Variants in TTC5 observed in about 807,000 individuals in gnomAD.
TTC5 encodes tetratricopeptide repeat protein 5.
A neutral mutation model predicts 57.4 loss-of-function variants in TTC5; 46 were observed. The observed-to-expected ratio is 0.80, with a 90% CI of 0.63 to 1.03. The LOEUF (loss-of-function observed/expected upper bound fraction) is 1.03. Ranked by LOEUF, TTC5 falls within the 50% of genes least tolerant of loss-of-function variation. The probability of loss-of-function intolerance (pLI) is 0.00; values close to 1 mark genes in which losing one functional copy is unlikely to be tolerated. For synonymous variants in TTC5, 190 were observed against 203.5 expected (o/e 0.93, Z 0.57); for missense variants, 504 against 528.1 (o/e 0.95, Z 0.45).
intron 2 of TTC5, among the ~76,000 whole-genome samples, chr14:20,301,291 G>A (rs1882185239): frequency 6.6e-6 from 1 of 152,196 alleles, no homozygotes; most frequent in Non-Finnish European, 1.5e-5. Flanking sequence ...CACAGAATCA[G>A]AAGTACATGT....
intron 6 of TTC5, 92 bp downstream of exon 6, chr14:20,296,297 CT>C: frequency 9.7e-7 from 1 of 1,035,086 alleles, no homozygotes; most frequent in Non-Finnish European, 1.5e-6. Context: ...TGTACCCAAT[CT>C]TGTCCCTATG....
intron 5 of TTC5, among the ~76,000 whole-genome samples, chr14:20,297,037 G>C: frequency 6.6e-6 from 1 of 152,064 alleles, no homozygotes; most frequent in East Asian, 1.9e-4. Context: ...GAATGAAATA[G>C]GTGAAATCAT....
chr14:20,291,361 A>T (rs779251126), intron 9 of TTC5, among the ~76,000 whole-genome samples: 5 of 152,184 alleles, frequency 3.3e-5, no homozygotes, highest in Non-Finnish European at 5.9e-5. Context: ...CCCAGCCTAG[A>T]AACCATTATT....
rs1881860176 is a variant in TTC5 at position 20,287,362 on chromosome 14, T to G, written c.*2265A>C. ...TTGCTGTAAAAGAAACTTTTGCACTTACATATCAGGACATATACAAGAATA... is the reference window on the plus strand; with the variant it reads ...TTGCTGTAAAAGAAACTTTTGCACTGACATATCAGGACATATACAAGAATA... On this transcript the variant is annotated 3_prime_UTR_variant, in exon 10 of 10. Coordinates refer to ENST00000258821, the MANE Select transcript of TTC5 (RefSeq NM_138376.3). 6.6e-6 allele frequency: 1 copy of G among 152,254 alleles called. No homozygotes were observed. The highest frequency in any genetic ancestry group is 1.5e-5 in the Non-Finnish European group (1 of 68,044). 9.4% of individuals were successfully genotyped at this position (152,254 alleles called of 1,614,324 possible).
intron 3 of TTC5, among the ~76,000 whole-genome samples, chr14:20,300,088 C>T (rs569238884): frequency 3.4e-5 from 5 of 147,740 alleles, no homozygotes; most frequent in African/African-American, 1.2e-4. Flanking sequence ...GATCTCCCCA[C>T]TTTGGCCTCC....
intron 1 of TTC5, 74 bp from the exon 2 acceptor site, chr14:20,302,039 C>G (rs117482621): frequency 1.3e-6 from 2 of 1,534,502 alleles, no homozygotes; most frequent in Non-Finnish European, 9.0e-7. Context: ...GCTAGCCATA[C>G]CAGCTCTTGG....
intron 2 of TTC5, among the ~76,000 whole-genome samples, chr14:20,301,096 C>CT (rs1365639708): frequency 6.6e-6 from 1 of 152,098 alleles, no homozygotes; most frequent in Non-Finnish European, 1.5e-5. Context: ...GGTTTACAAT[C>CT]TAGTGGAGAA....
chr14:20,286,844 G>C lies in TTC5; in HGVS notation c.*2783C>G, dbSNP rs765292187. ...CCAATACAGCAGTGTGCAAAGACTC[G>C]AATAGGCATTTTACCGAGAGAAAAT... is the stretch of plus-strand genomic sequence containing the variant. On this transcript the variant is annotated 3_prime_UTR_variant, in exon 10 of 10. Transcript: ENST00000258821. 2.0e-5 allele frequency: 3 copies of C among 151,770 alleles called. No individual in the cohort carries two copies. Among genetic ancestry groups the C allele is most frequent in the Non-Finnish European group, 4.4e-5 (3 of 67,960 alleles). 9.4% of individuals were successfully genotyped at this position (151,770 alleles called of 1,614,324 possible). A position where few individuals can be genotyped will look rare whatever the true frequency, so the allele number is the denominator to read the frequency against.
chr14:20,295,628 A>C, intron 7 of TTC5, 80 bp downstream of exon 7: 2 of 1,548,950 alleles, frequency 1.3e-6, no homozygotes, highest in Non-Finnish European at 1.7e-6. Context: ...CTACCTCGTA[A>C]ACCTATTTAT....
Position 20,298,825 on chromosome 14 carries a change from T to G in TTC5, c.611A>C (p.Gln204Pro). The G allele has an allele frequency of 6.2e-7, 1 of 1,614,024 alleles. No homozygotes were observed. The highest frequency in any genetic ancestry group is 8.5e-7 in the Non-Finnish European group (1 of 1,179,870). Residue 204 changes from glutamine to proline, a missense_variant, in exon 5 of 10, where the codon CAG becomes CCG. Gln to Pro is a moderately conservative substitution (Grantham distance 76). Coordinates refer to ENST00000258821, the MANE Select transcript of TTC5 (RefSeq NM_138376.3). ...TTGGGCATAGGCACTGAGGGCTTGCTGGGAGATCTTAGGGTTCTGGCCAGT... is the reference window on the plus strand; with the variant it reads ...TTGGGCATAGGCACTGAGGGCTTGCGGGGAGATCTTAGGGTTCTGGCCAGT... ...FSTGQNPKIS[Q>P]QALSAYAQAE...
chr14:20,286,808 CAATT>C lies in TTC5; in HGVS notation c.*2815_*2818del, dbSNP rs1191865073. ...CGATTAGTACAGGGAATATATAAAT[CAATT>C]TGACATCCAATACAGCAGTGTGCAA... is the stretch of plus-strand genomic sequence containing the variant. On this transcript the variant is annotated 3_prime_UTR_variant, in exon 10 of 10. Transcript: ENST00000258821. The C allele has an allele frequency of 8.0e-5, 12 of 150,618 alleles. No homozygotes were observed. The East Asian group carries it at 1.8e-3, about 22-fold the overall frequency. 9.3% of individuals were successfully genotyped at this position (150,618 alleles called of 1,614,324 possible).
At chr14:20,297,089 A>C (rs966228274) in intron 5 of TTC5, among the ~76,000 whole-genome samples, 4 of 152,222 alleles carry the variant, frequency 2.6e-5, no homozygotes, top group African/African-American at 9.6e-5. Flanking sequence ...CTGGTAATAA[A>C]TGAAGAAAGG....
In TTC5 at chr14:20,289,737, A is replaced by G; in HGVS notation, c.1213T>C (p.Phe405Leu). ...RIQHKGKDYS[F>L]SSVRVETPLL... The stretch of plus-strand genomic sequence containing the variant: ...GGCGTCTCCACTCGAACACTGGAAA[A>G]GGAATAGTCCTAGAAAAGACAGACA... Residue 405 changes from phenylalanine to leucine, a missense_variant, in exon 10 of 10, where the codon TTT becomes CTT. Coordinates refer to ENST00000258821, the MANE Select transcript of TTC5 (RefSeq NM_138376.3). 6.2e-7 allele frequency: 1 copy of G among 1,613,140 alleles called. No homozygotes were observed. The highest frequency in any genetic ancestry group is 8.5e-7 in the Non-Finnish European group (1 of 1,179,496).
Position 20,289,421 on chromosome 14 carries a change from GA to G in TTC5, c.*205del. The G allele has an allele frequency of 2.2e-6, 1 of 448,216 alleles. No homozygotes were observed. The highest frequency in any genetic ancestry group is 3.9e-6 in the Non-Finnish European group (1 of 257,704). The allele number at this position is 448,216 out of a possible 1,614,324, so 27.8% of individuals were successfully genotyped here. On this transcript the variant is annotated 3_prime_UTR_variant, in exon 10 of 10. Transcript: ENST00000258821. The stretch of plus-strand genomic sequence containing the variant: ...TGGAAGAGACAGGAGAGATATGCCA[GA>G]AGAGTATGTGGCCCTGTAGAGAGCT...
intron 9 of TTC5, among the ~76,000 whole-genome samples, chr14:20,291,460 C>G (rs1172946451): frequency 1.3e-5 from 2 of 152,196 alleles, no homozygotes. Context: ...TATCTACATT[C>G]ATAAGGTTTT....
rs1881964589 is a variant in TTC5, at chr14:20,292,039, A to G, written c.1147T>C (p.Ser383Pro). ...VQSWGVLIGDSVAIPEPNLRL... is the reference protein window; with the variant it reads ...VQSWGVLIGDPVAIPEPNLRL... ...AGGTTGGGCTCAGGAATGGCTACAG[A>G]GTCTCCAATGAGCACTCCCCAGCTC... Residue 383 changes from serine to proline, a missense_variant, in exon 9 of 10, where the codon TCT becomes CCT. Transcript: ENST00000258821. 1 of 1,597,390 alleles carries G rather than the reference A, an allele frequency of 6.3e-7. No individual in the cohort carries two copies. The highest frequency in any genetic ancestry group is 8.5e-7 in the Non-Finnish European group (1 of 1,171,902).
At chr14:20,297,987 A>AT (rs1594264959) in intron 5 of TTC5, among the ~76,000 whole-genome samples, 2 of 152,312 alleles carry the variant, frequency 1.3e-5, no homozygotes, top group East Asian at 3.9e-4. Flanking sequence ...AGAAAAACCA[A>AT]TTTAAAAGGG....
rs1406287021 is a variant in TTC5 at position 20,287,688 on chromosome 14, ACT to A, written c.*1937_*1938del. 1 of 151,946 alleles carries A rather than the reference ACT, an allele frequency of 6.6e-6. No individual in the cohort carries two copies. The highest frequency in any genetic ancestry group is 6.6e-5 in the Admixed American group (1 of 15,244). 9.4% of individuals were successfully genotyped at this position (151,946 alleles called of 1,614,324 possible). ...GCTACCACCTACTGGCCATTTTTCT[ACT>A]CTCTAGCCCTACACAGAACATGTCA... On this transcript the variant is annotated 3_prime_UTR_variant, in exon 10 of 10. Coordinates refer to ENST00000258821, the MANE Select transcript of TTC5 (RefSeq NM_138376.3).
In TTC5 at chr14:20,289,668, G is replaced by A; in HGVS notation, c.1282C>T (p.Gln428Ter). ...VNGKPQGSSS[Q>*]AVATVASRPQ... ...CGCGATGCCACTGTGGCAACAGCCTGGCTGCTGGATCCCTGAGGCTTCCCA... is the reference window on the plus strand; with the variant it reads ...CGCGATGCCACTGTGGCAACAGCCTAGCTGCTGGATCCCTGAGGCTTCCCA... The change falls in exon 10 of 10, where the codon CAG becomes TAG. Residue 428 changes from glutamine (Q) to a stop codon, truncating the protein, a stop_gained. Transcript: ENST00000258821. LOFTEE classifies it high-confidence loss of function. The A allele has an allele frequency of 6.2e-7, 1 of 1,613,896 alleles. No homozygotes were observed. The highest frequency in any genetic ancestry group is 1.1e-5 in the South Asian group (1 of 91,060).
Sources: allele counts gnomAD v4.1 joint callset (sites outside exome capture counted in the v4.1 genomes callset), GRCh38; gene constraint gnomAD v4.1.1; transcripts MANE v1.5; gene names NCBI Gene and HGNC (gene_info 2026-07-23, HGNC 2026-07-21).